Variants in RSRP1 observed in about 807,000 individuals in gnomAD.
The protein encoded by RSRP1 is arginine and serine rich protein 1.
In RSRP1, 37 loss-of-function variants were observed where a neutral mutation model predicts 33.0. That is an observed-to-expected ratio of 1.12 (90% CI 0.86 to 1.48). The LOEUF (loss-of-function observed/expected upper bound fraction) is 1.48. Among genes scored for constraint, RSRP1 ranks in the 40% most tolerant of loss-of-function variants. RSRP1 has a pLI of 0.00. For synonymous variants in RSRP1, 167 were observed against 158.7 expected (o/e 1.05, Z -0.40); for missense variants, 402 against 385.3 (o/e 1.04, Z -0.36).
At chr1:25,247,110 C>G in intron 1 of RSRP1, 81 bp from the exon 2 acceptor site, 2 of 886,356 alleles carry the variant, frequency 2.3e-6, no homozygotes, top group Non-Finnish European at 3.2e-6. Flanking sequence ...CGGGGAACCT[C>G]CGGGAGGCGG....
intron 1 of RSRP1, among the ~76,000 whole-genome samples, chr1:25,298,748 C>G (rs1180896766): frequency 2.3e-5 from 3 of 131,240 alleles, no homozygotes; most frequent in African/African-American, 7.9e-5. Flanking sequence ...AAATACAACT[C>G]TCATGGAACG....
intron 1 of RSRP1, chr1:25,290,536 C>A: frequency 9.8e-7 from 1 of 1,017,756 alleles, no homozygotes; most frequent in Non-Finnish European, 1.5e-6. Flanking sequence ...AAGTAGGTGC[C>A]CAACAGTGTT....
At chr1:25,274,927 G>T (rs148860017) in intron 1 of RSRP1, among the ~76,000 whole-genome samples, 1 of 131,300 alleles carries the variant, frequency 7.6e-6, no homozygotes, top group Non-Finnish European at 1.8e-5. Context: ...CAGCCTGGGC[G>T]CCAGAGTGAG....
chr1:25,279,055 C>T lies in RSRP1; in HGVS notation c.-66-32026G>A, dbSNP rs370879610. Among the ~76,000 whole-genome samples, 207 of 129,460 alleles carry T rather than the reference C, an allele frequency of 1.6e-3. 30 individuals carry two copies. The highest frequency in any genetic ancestry group is 4.0e-3 in the African/African-American group (151 of 37,474). The allele number at this position is 129,460 out of a possible 152,430, so 84.9% of individuals were successfully genotyped here. On this transcript the variant is annotated intron_variant, in intron 1 of 1. Coordinates refer to the RSRP1 transcript ENST00000561867. ...AAGGAGGGGCAAGAGTGGGAGGGGG[C>T]GCAGATCCAGAATCACGGAGGCAGC...
chr1:25,312,920 TAAAAAAAAAAAAAAAAAAAAAAAAAAAAA>T (rs58027687), intron 1 of RSRP1, among the ~76,000 whole-genome samples: 1 of 6,850 alleles, frequency 1.5e-4, no homozygotes, highest in Non-Finnish European at 4.3e-4. Context: ...ATCCCATCTC[TAAAAAAAAAAAAAAAAAAAAAAAAAAAAA>T]AAAAAACTTT....
In RSRP1 at chr1:25,302,249, C is replaced by T. The variant is rs541013633; in HGVS notation, c.-67+35729G>A. ...AGCTGCTGCTATTAGTAAAGAGAGA[C>T]GATGGTGTGTGTGAGTCTTGTGGGC... On this transcript the variant is annotated intron_variant, in intron 1 of 1. Coordinates refer to the RSRP1 transcript ENST00000561867. 2.6e-4 allele frequency among the ~76,000 whole-genome samples: 33 copies of T among 129,306 alleles called. 8 individuals are homozygous for T. The highest frequency in any genetic ancestry group is 8.2e-3 in the Middle Eastern group (2 of 244). The allele number at this position is 129,306 out of a possible 152,430, so 84.8% of individuals were successfully genotyped here.
At chr1:25,334,121 G>C (rs1645049602) in intron 1 of RSRP1, among the ~76,000 whole-genome samples, 1 of 131,372 alleles carries the variant, frequency 7.6e-6, no homozygotes. Flanking sequence ...GACAAGGCAA[G>C]TCCTTTCCAT....
At chr1:25,337,068 G>C (rs1208356213) in intron 1 of RSRP1, 1 of 171,240 alleles carries the variant, frequency 5.8e-6, no homozygotes, top group Admixed American at 5.8e-5. Flanking sequence ...GGGGGGTTCT[G>C]CTCCGCGACC....
rs150692975 is a variant in RSRP1, at chr1:25,297,673, C to T, written c.-67+40305G>A. ...TATATCACCATGGGCTCCTGGATTC[C>T]GGTTTACACACTTCCATTTTCTGCC... On this transcript the variant is annotated intron_variant, in intron 1 of 1. Coordinates refer to the RSRP1 transcript ENST00000561867. 4.5e-5 allele frequency among the ~76,000 whole-genome samples: 6 copies of T among 132,262 alleles called. No homozygotes were observed. The East Asian group carries it at 1.2e-3, about 26-fold the overall frequency. The allele number at this position is 132,262 out of a possible 152,430, so 86.8% of individuals were successfully genotyped here.
chr1:25,268,729 C>T (rs1571550556), intron 1 of RSRP1, among the ~76,000 whole-genome samples: 1 of 129,468 alleles, frequency 7.7e-6, no homozygotes, highest in East Asian at 2.0e-4. Context: ...GGGTGGATCA[C>T]TTGAGGTCAG....
chr1:25,290,611 A>T, intron 1 of RSRP1: 1 of 1,354,368 alleles, frequency 7.4e-7, no homozygotes, highest in Non-Finnish European at 1.0e-6. Context: ...CTTCCTTCTC[A>T]GTCGTCCTGG....
intron 1 of RSRP1, among the ~76,000 whole-genome samples, chr1:25,289,820 T>C (rs1251622084): frequency 9.0e-6 from 1 of 111,390 alleles, no homozygotes; most frequent in Non-Finnish European, 2.2e-5. Flanking sequence ...AGATCATAAG[T>C]ACATTTTTTT....
rs1442800870 is a variant in RSRP1, at chr1:25,278,378, T to A, written c.-66-31349A>T. Among the ~76,000 whole-genome samples, 15 of 130,626 alleles carry A rather than the reference T, an allele frequency of 1.1e-4. 2 individuals carry two copies. Among genetic ancestry groups the A allele is most frequent in the Non-Finnish European group, 2.2e-4 (12 of 55,140 alleles). 85.7% of individuals were successfully genotyped at this position (130,626 alleles called of 152,430 possible). ...GGGGAAGCAGAGAGTATCAATTACCTATTGCTGCATAACAGCCACCCCAAA... is the reference window on the plus strand; with the variant it reads ...GGGGAAGCAGAGAGTATCAATTACCAATTGCTGCATAACAGCCACCCCAAA... On this transcript the variant is annotated intron_variant, in intron 1 of 1. Coordinates refer to the RSRP1 transcript ENST00000561867.
At chr1:25,300,736 G>A (rs1392669974) in intron 1 of RSRP1, among the ~76,000 whole-genome samples, 1 of 131,634 alleles carries the variant, frequency 7.6e-6, no homozygotes, top group East Asian at 2.0e-4. Flanking sequence ...GTGAACCTGG[G>A]AGGCAAATGT....
upstream of RSRP1, among the ~76,000 whole-genome samples, chr1:25,248,593 A>C (rs576735350): frequency 6.6e-6 from 1 of 152,290 alleles, no homozygotes; most frequent in East Asian, 1.9e-4. Context: ...TACAGGCGTG[A>C]GCCACTTTGC....
intron 1 of RSRP1, among the ~76,000 whole-genome samples, chr1:25,255,443 T>G (rs972384037): frequency 9.9e-5 from 15 of 152,178 alleles, no homozygotes; most frequent in Non-Finnish European, 2.1e-4. Flanking sequence ...ACAAATAACC[T>G]TTACTTCAAG....
intron 1 of RSRP1, among the ~76,000 whole-genome samples, chr1:25,333,735 C>T (rs1476470513): frequency 7.7e-6 from 1 of 129,452 alleles, no homozygotes; most frequent in African/African-American, 2.7e-5. Context: ...GGAGGCCTCA[C>T]AATCATGGCG....
rs1277043311 is a variant in RSRP1 at position 25,301,387 on chromosome 1, G to T, written c.-67+36591C>A. The T allele has an allele frequency of 6.7e-6, 6 of 890,510 alleles. 1 individual carries two copies. Among genetic ancestry groups the T allele is most frequent in the Non-Finnish European group, 1.1e-5 (6 of 558,178 alleles). 55.2% of individuals were successfully genotyped at this position (890,510 alleles called of 1,614,324 possible). A position where few individuals can be genotyped will look rare whatever the true frequency, so the allele number is the denominator to read the frequency against. The stretch of plus-strand genomic sequence containing the variant: ...CAGCTTGAGAGCTCGGAGGGGAGAC[G>T]TGACTTCCCCATCTAACTCTAAGTG... On this transcript the variant is annotated intron_variant, in intron 1 of 1. Transcript: ENST00000561867.
At chr1:25,264,557 G>A (rs1484913334) in intron 1 of RSRP1, among the ~76,000 whole-genome samples, 1 of 151,076 alleles carries the variant, frequency 6.6e-6, no homozygotes, top group Non-Finnish European at 1.5e-5. Context: ...CCCCGGGCCT[G>A]GCCAACAAAA....
Sources: allele counts gnomAD v4.1 joint callset (sites outside exome capture counted in the v4.1 genomes callset), GRCh38; gene constraint gnomAD v4.1.1; transcripts MANE v1.5; gene names NCBI Gene and HGNC (gene_info 2026-07-23, HGNC 2026-07-21).